The following MAPKAPK3 variants were observed in gnomAD, a reference collection of about 807,000 sequenced individuals.
MAPKAPK3 encodes the protein MAP kinase-activated protein kinase 3.
A neutral mutation model predicts 49.2 loss-of-function variants in MAPKAPK3; 35 were observed. The observed-to-expected ratio is 0.71, with a 90% CI of 0.54 to 0.94. MAPKAPK3 has a LOEUF of 0.94. Ranked by LOEUF, MAPKAPK3 falls within the 40% of genes least tolerant of loss-of-function variation. The pLI, the probability that MAPKAPK3 is intolerant of heterozygous loss-of-function variation, is 0.00. For missense variants in MAPKAPK3, 398 were observed against 493.1 expected, an observed-to-expected ratio of 0.81 and a Z score of 1.83; for synonymous variants, 178 against 188.7, an observed-to-expected ratio of 0.94 and a Z score of 0.46.
At chr3:50,616,502 C>G (rs894127137), upstream of MAPKAPK3, among the ~76,000 whole-genome samples, 1 of 152,166 alleles carries the variant, frequency 6.6e-6, no homozygotes, top group Non-Finnish European at 1.5e-5. Context: ...AAGCCCAAAC[C>G]ATAAGGTGAA....
chr3:50,630,199 C>T (rs1023942239), intron 2 of MAPKAPK3, among the ~76,000 whole-genome samples: 1 of 152,230 alleles, frequency 6.6e-6, no homozygotes, highest in African/African-American at 2.4e-5. Flanking sequence ...GGAGCCAGGA[C>T]CAGTTTCCCA....
Position 50,644,481 on chromosome 3 carries a change from G to T in MAPKAPK3, c.577G>T (p.Glu193Ter). 1 of 1,614,158 alleles carries T rather than the reference G, an allele frequency of 6.2e-7. No homozygotes were observed. The highest frequency in any genetic ancestry group is 1.7e-4 in the Middle Eastern group (1 of 6,056). ...LKLTDFGFAK[E>*]TTQNALQTPC... ...GCTCACCGATTTTGGCTTTGCTAAG[G>T]AGACCACCCAAAATGCCCTGCAGAC... The change falls in exon 6 of 11, where the codon GAG becomes TAG. Residue 193 changes from glutamate (E) to a stop codon, truncating the protein, a stop_gained. Coordinates refer to ENST00000621469, the MANE Select transcript of MAPKAPK3 (RefSeq NM_001243925.2). LOFTEE classifies it high-confidence loss of function.
intron 2 of MAPKAPK3, among the ~76,000 whole-genome samples, chr3:50,634,737 C>T (rs1361234446): frequency 5.3e-5 from 8 of 152,120 alleles, no homozygotes; most frequent in African/African-American, 9.7e-5. Flanking sequence ...GTGATCCTCC[C>T]GCCTCGGTCT....
chr3:50,640,271 G>A, intron 2 of MAPKAPK3, 95 bp from the exon 3 acceptor site: 1 of 1,215,858 alleles, frequency 8.2e-7, no homozygotes, highest in African/African-American at 1.5e-5. Context: ...TGTGACCTGG[G>A]GCAGGTCACA....
At chr3:50,614,415 T>C (rs1189481880), upstream of MAPKAPK3, among the ~76,000 whole-genome samples, 1 of 151,836 alleles carries the variant, frequency 6.6e-6, no homozygotes, top group Non-Finnish European at 1.5e-5. Flanking sequence ...ATCACAAGAA[T>C]ACACAGCAGT....
chr3:50,625,343 C>A (rs1292213231), intron 2 of MAPKAPK3, among the ~76,000 whole-genome samples: 4 of 152,104 alleles, frequency 2.6e-5, no homozygotes, highest in Non-Finnish European at 4.4e-5. Flanking sequence ...GGGAACCCAG[C>A]CCCTTGAGGG....
At chr3:50,641,616 G>T (rs2033177566) in intron 3 of MAPKAPK3, 91 bp from the exon 4 acceptor site, 1 of 974,928 alleles carries the variant, frequency 1.0e-6, no homozygotes, top group Admixed American at 1.8e-5. Context: ...GAGCAGCAGG[G>T]TCTGAAGCCT....
chr3:50,632,949 C>T (rs1227176465), intron 2 of MAPKAPK3, among the ~76,000 whole-genome samples: 2 of 152,168 alleles, frequency 1.3e-5, no homozygotes, highest in South Asian at 2.1e-4. Flanking sequence ...CCTTCCTGGG[C>T]GAGGAAGTGG....
chr3:50,614,542 T>TGTGTG (rs1553624722), upstream of MAPKAPK3, among the ~76,000 whole-genome samples: 2 of 146,404 alleles, frequency 1.4e-5, no homozygotes, highest in East Asian at 2.0e-4. Flanking sequence ...TGTGTGTGTG[T>TGTGTG]AGGATTTAGC....
chr3:50,637,481 A>G lies in MAPKAPK3; in HGVS notation c.220-2885A>G, dbSNP rs137893299. Among the ~76,000 whole-genome samples the G allele has an allele frequency of 1.5e-3, 223 of 152,080 alleles. 5 individuals are homozygous for G. The East Asian group carries it at 0.041, about 28-fold the overall frequency. The stretch of plus-strand genomic sequence containing the variant: ...GAAACCCCATCTCCACTAAAAATGC[A>G]AAAAATAGCTGGGCGTGGTGGCGGG... On this transcript the variant is annotated intron_variant, in intron 2 of 10. Coordinates refer to ENST00000621469, the MANE Select transcript of MAPKAPK3 (RefSeq NM_001243925.2).
intron 1 of MAPKAPK3, 83 bp downstream of exon 1, chr3:50,617,324 C>T (rs1320201122): frequency 2.4e-6 from 1 of 412,376 alleles, no homozygotes; most frequent in Non-Finnish European, 4.3e-6. Context: ...CTTCTTGACA[C>T]GTGCCCGGGC....
At chr3:50,620,410 C>T (rs1241484976) in intron 2 of MAPKAPK3, among the ~76,000 whole-genome samples, 2 of 152,228 alleles carry the variant, frequency 1.3e-5, no homozygotes, top group Non-Finnish European at 2.9e-5. Context: ...CCAGGTTAAC[C>T]AGGGTGGCCT....
exon 1 of MAPKAPK3, chr3:50,612,004 A>T (rs950257713): frequency 1.7e-5 from 5 of 301,234 alleles, no homozygotes; most frequent in Non-Finnish European, 3.1e-5. Context: ...ATTTCCAAGA[A>T]CTTTCCAGGA....
upstream of MAPKAPK3, chr3:50,611,587 C>T: frequency 1.3e-6 from 2 of 1,523,370 alleles, no homozygotes; most frequent in Non-Finnish European, 1.8e-6. Flanking sequence ...TTCTCCCGTG[C>T]GCCCCTCGTG....
At chr3:50,611,798 T>A, upstream of MAPKAPK3, 1 of 1,097,280 alleles carries the variant, frequency 9.1e-7, no homozygotes, top group East Asian at 3.3e-5. Flanking sequence ...GCGGACCGCC[T>A]GCGAGGGCGA....
intron 2 of MAPKAPK3, 124 bp downstream of exon 2, chr3:50,617,908 C>CA (rs2032513797): frequency 1.2e-5 from 9 of 740,896 alleles, no homozygotes; most frequent in Non-Finnish European, 2.1e-5. Context: ...CATCGTCATA[C>CA]TGTCCTGTAA....
chr3:50,629,639 C>T (rs2032853273), intron 2 of MAPKAPK3, among the ~76,000 whole-genome samples: 1 of 152,312 alleles, frequency 6.6e-6, no homozygotes, highest in African/African-American at 2.4e-5. Context: ...TGCAGCTAGT[C>T]CTGCTGTGCA....
At chr3:50,639,655 A>G (rs2033127774) in intron 2 of MAPKAPK3, among the ~76,000 whole-genome samples, 1 of 151,696 alleles carries the variant, frequency 6.6e-6, no homozygotes. Context: ...GTCTCCCTCC[A>G]CTCTGGGCCA....
chr3:50,642,764 T>C (rs1159709528), intron 5 of MAPKAPK3, among the ~76,000 whole-genome samples: 1 of 152,246 alleles, frequency 6.6e-6, no homozygotes, highest in Non-Finnish European at 1.5e-5. Context: ...ATTTGTTTAC[T>C]TGTTCAGCAA....
Sources: gnomAD v4.1 joint callset for allele counts (sites outside exome capture counted in the v4.1 genomes callset) on GRCh38, gnomAD v4.1.1 for gene constraint, MANE v1.5 for transcripts, NCBI Gene and HGNC (gene_info 2026-07-23, HGNC 2026-07-21) for gene names.